The following NPAS3 variants were observed in gnomAD, a reference collection of about 807,000 sequenced individuals.
The protein encoded by NPAS3 is neuronal PAS domain-containing protein 3.
In NPAS3, 14 loss-of-function variants were observed where a neutral mutation model predicts 73.1. The ratio of observed to expected loss-of-function variants is 0.19; its 90% CI spans 0.13 to 0.30. The LOEUF (loss-of-function observed/expected upper bound fraction) is 0.30, where lower values mean the gene tolerates loss of function less well. NPAS3 is among the 10% of genes least tolerant of loss of function. The probability of loss-of-function intolerance (pLI) is 1.00; values close to 1 mark genes in which losing one functional copy is unlikely to be tolerated. For synonymous variants in NPAS3, 620 were observed against 541.5 expected, an observed-to-expected ratio of 1.14 and a Z score of -2.01; for missense variants, 1,096 against 1,250.0, an observed-to-expected ratio of 0.88 and a Z score of 1.86.
intron 3 of NPAS3, among the ~76,000 whole-genome samples, chr14:33,294,932 G>A (rs971537021): frequency 2.0e-5 from 3 of 152,150 alleles, no homozygotes; most frequent in Admixed American, 6.5e-5. Flanking sequence ...ATCTTTTAGC[G>A]TCTTGCCTTC....
At chr14:33,614,349 A>T (rs2057848276) in intron 5 of NPAS3, among the ~76,000 whole-genome samples, 1 of 152,200 alleles carries the variant, frequency 6.6e-6, no homozygotes. Context: ...TTCTGCAAAT[A>T]ATTTTGAACA....
intron 5 of NPAS3, among the ~76,000 whole-genome samples, chr14:33,640,642 G>A (rs1295346454): frequency 1.3e-5 from 2 of 152,066 alleles, no homozygotes; most frequent in African/African-American, 4.8e-5. Context: ...TCATTCATTT[G>A]TCCAATGAGC....
At chr14:32,957,378 T>A (rs2036715255) in intron 1 of NPAS3, among the ~76,000 whole-genome samples, 1 of 151,806 alleles carries the variant, frequency 6.6e-6, no homozygotes, top group African/African-American at 2.4e-5. Flanking sequence ...TTTCATTTTT[T>A]TTTTTTTTTT....
At chr14:33,625,585 A>G (rs939322765) in intron 5 of NPAS3, among the ~76,000 whole-genome samples, 1 of 152,326 alleles carries the variant, frequency 6.6e-6, no homozygotes, top group East Asian at 1.9e-4. Flanking sequence ...GCTTTGCCCA[A>G]AGATATCTGG....
chr14:33,755,738 G>T (rs2062094769), intron 7 of NPAS3, among the ~76,000 whole-genome samples: 1 of 152,112 alleles, frequency 6.6e-6, no homozygotes, highest in East Asian at 1.9e-4. Flanking sequence ...TTTTATGAGG[G>T]AAAGAGGCTT....
At chr14:33,459,274 G>T (rs1328077139) in intron 4 of NPAS3, among the ~76,000 whole-genome samples, 1 of 152,210 alleles carries the variant, frequency 6.6e-6, no homozygotes, top group Non-Finnish European at 1.5e-5. Context: ...TGGGAATGCA[G>T]CTCAGTAGAT....
intron 4 of NPAS3, among the ~76,000 whole-genome samples, chr14:33,379,002 A>G (rs1428718909): frequency 6.6e-6 from 1 of 152,204 alleles, no homozygotes; most frequent in Non-Finnish European, 1.5e-5. Context: ...CGAGTGGAAA[A>G]TTCCACACGT....
intron 2 of NPAS3, among the ~76,000 whole-genome samples, chr14:33,086,827 A>G (rs1223517525): frequency 1.3e-5 from 2 of 152,088 alleles, no homozygotes; most frequent in East Asian, 1.9e-4. Flanking sequence ...TTATTGTAAG[A>G]CAGAAGTTGG....
intron 1 of NPAS3, among the ~76,000 whole-genome samples, chr14:33,007,785 G>A (rs2039048459): frequency 6.6e-6 from 1 of 152,194 alleles, no homozygotes; most frequent in South Asian, 2.1e-4. Context: ...CTGGCTTTGA[G>A]GGCCATATGG....
At chr14:33,785,450 A>T (rs2063142363) in intron 9 of NPAS3, among the ~76,000 whole-genome samples, 1 of 151,830 alleles carries the variant, frequency 6.6e-6, no homozygotes, top group Admixed American at 6.6e-5. Context: ...AAAAAAAAAA[A>T]AAAAATCAAT....
At chr14:33,331,206 G>T (rs144451706) in intron 3 of NPAS3, among the ~76,000 whole-genome samples, 2 of 152,102 alleles carry the variant, frequency 1.3e-5, no homozygotes, top group Non-Finnish European at 2.9e-5. Flanking sequence ...AAAGTTGTTC[G>T]TAATTTATGC....
At chr14:33,297,222 CTT>C (rs34429634) in intron 3 of NPAS3, among the ~76,000 whole-genome samples, 57,159 of 151,926 alleles carry the variant, frequency 0.38, 11,011 homozygotes, top group African/African-American at 0.44. Context: ...AATTACCTCT[CTT>C]TGCCTCAGTT....
intron 1 of NPAS3, among the ~76,000 whole-genome samples, chr14:32,954,725 G>T (rs1196462999): frequency 6.6e-6 from 1 of 152,034 alleles, no homozygotes; most frequent in East Asian, 1.9e-4. Flanking sequence ...GACATTGTCG[G>T]TATTAAGCAT....
chr14:33,765,198 G>A (rs2140850274), intron 7 of NPAS3, among the ~76,000 whole-genome samples: 1 of 152,036 alleles, frequency 6.6e-6, no homozygotes, highest in African/African-American at 2.4e-5. Context: ...GTTGTTTGGA[G>A]GATACAGTCA....
intron 5 of NPAS3, among the ~76,000 whole-genome samples, chr14:33,579,229 G>T (rs1417104160): frequency 1.3e-5 from 2 of 152,080 alleles, no homozygotes; most frequent in Non-Finnish European, 2.9e-5. Context: ...TGAATTCTAG[G>T]GTATGTCTCA....
At chr14:33,197,046 T>G (rs2046382186) in intron 2 of NPAS3, among the ~76,000 whole-genome samples, 1 of 152,168 alleles carries the variant, frequency 6.6e-6, no homozygotes, top group African/African-American at 2.4e-5. Context: ...AGGCTGTAAT[T>G]TTGTATTGGA....
intron 3 of NPAS3, among the ~76,000 whole-genome samples, chr14:33,246,688 C>T (rs944381057): frequency 1.3e-5 from 2 of 151,242 alleles, no homozygotes; most frequent in Admixed American, 6.6e-5. Context: ...CTAATCTAAG[C>T]TTTCCTAATG....
intron 5 of NPAS3, among the ~76,000 whole-genome samples, chr14:33,666,668 TTGTA>T (rs946096521): frequency 1.1e-4 from 16 of 152,316 alleles, no homozygotes; most frequent in African/African-American, 3.8e-4. Context: ...TTATTTGACT[TTGTA>T]TGTGTTTTTC....
intron 6 of NPAS3, among the ~76,000 whole-genome samples, chr14:33,696,856 T>A (rs183361358): frequency 6.1e-4 from 93 of 152,330 alleles, no homozygotes; most frequent in African/African-American, 1.8e-3. Context: ...GAGTTACCCC[T>A]GCATCTAGAA....
Sources: gnomAD v4.1 joint callset for allele counts (sites outside exome capture counted in the v4.1 genomes callset) on GRCh38, gnomAD v4.1.1 for gene constraint, MANE v1.5 for transcripts, NCBI Gene and HGNC (gene_info 2026-07-23, HGNC 2026-07-21) for gene names.